Variants in RRAS2 observed in about 807,000 individuals in gnomAD.
RRAS2 encodes the protein RAS related 2.
RRAS2 carries 7 observed loss-of-function variants against 27.6 expected under a neutral mutation model. The ratio of observed to expected loss-of-function variants is 0.25; its 90% CI spans 0.14 to 0.48. The LOEUF is 0.48. RRAS2 is among the 20% of genes least tolerant of loss of function. The pLI is 0.99. For synonymous variants in RRAS2, 86 were observed against 90.9 expected (o/e 0.95, Z 0.31); for missense variants, 178 against 256.2 (o/e 0.69, Z 2.08).
chr11:14,330,653 T>TA (rs71455836), intron 1 of RRAS2, among the ~76,000 whole-genome samples: 44,973 of 151,798 alleles, frequency 0.3, 7,629 homozygotes, highest in South Asian at 0.43. Context: ...TAGTTAACAT[T>TA]AAAAAAAATT....
rs1554955493 is a variant in RRAS2 at position 14,356,807 on chromosome 11, T to G, written c.108+1956A>C. 3 of 431,370 alleles carry G rather than the reference T, an allele frequency of 7.0e-6. No homozygotes were observed. The Admixed American group carries it at 7.8e-5, about 11-fold the overall frequency. The allele number at this position is 431,370 out of a possible 1,614,324, so 26.7% of individuals were successfully genotyped here. ...AGGAAAACGGCAATTAATGCTTTTT[T>G]TTTTTTTTTTTTGAGGCAGAGTCTC... On this transcript the variant is annotated intron_variant, in intron 1 of 5. Coordinates refer to ENST00000256196, the MANE Select transcript of RRAS2 (RefSeq NM_012250.6).
chr11:14,306,333 A>G (rs1402440663), intron 1 of RRAS2, among the ~76,000 whole-genome samples: 1 of 152,026 alleles, frequency 6.6e-6, no homozygotes, highest in Non-Finnish European at 1.5e-5. Flanking sequence ...AATGGTTTTC[A>G]TTCATTCCTT....
In RRAS2 at chr11:14,335,673, T is replaced by C. The variant is rs181467010; in HGVS notation, c.108+23090A>G. 5.5e-4 allele frequency among the ~76,000 whole-genome samples: 83 copies of C among 152,252 alleles called. 1 individual carries two copies. The highest frequency in any genetic ancestry group is 3.1e-3 in the South Asian group (15 of 4,826). On this transcript the variant is annotated intron_variant, in intron 1 of 5. Coordinates refer to ENST00000256196, the MANE Select transcript of RRAS2 (RefSeq NM_012250.6). Reference sequence around the variant, plus strand: ...TCTCCTGCTAAAAACTAAAAATCCTTGACAAACATAAGACTCTGAAAGTTT... The same window carrying C: ...TCTCCTGCTAAAAACTAAAAATCCTCGACAAACATAAGACTCTGAAAGTTT...
intron 1 of RRAS2, among the ~76,000 whole-genome samples, chr11:14,315,420 A>T (rs1554949395): frequency 1.3e-5 from 2 of 152,202 alleles, no homozygotes; most frequent in Non-Finnish European, 2.9e-5. Flanking sequence ...AAAATACTTA[A>T]TGAGTACTCT....
chr11:14,313,533 A>G (rs1364388931), intron 1 of RRAS2, among the ~76,000 whole-genome samples: 1 of 152,188 alleles, frequency 6.6e-6, no homozygotes, highest in African/African-American at 2.4e-5. Flanking sequence ...CCGTATTTGG[A>G]AATAGGGTCT....
At chr11:14,324,080 T>C (rs1354922638) in intron 1 of RRAS2, among the ~76,000 whole-genome samples, 1 of 151,838 alleles carries the variant, frequency 6.6e-6, no homozygotes, top group Non-Finnish European at 1.5e-5. Context: ...TATTCAACAT[T>C]ACATTGGAGG....
At chr11:14,321,270 A>G (rs1016548312) in intron 1 of RRAS2, among the ~76,000 whole-genome samples, 1 of 152,158 alleles carries the variant, frequency 6.6e-6, no homozygotes, top group Non-Finnish European at 1.5e-5. Flanking sequence ...TTCCCCTAAC[A>G]TGACTAGTCA....
At chr11:14,333,533 C>T (rs888419776) in intron 1 of RRAS2, among the ~76,000 whole-genome samples, 1 of 152,014 alleles carries the variant, frequency 6.6e-6, no homozygotes, top group African/African-American at 2.4e-5. Context: ...CTAAGGATGC[C>T]CACTCTTAGC....
At chr11:14,287,871 C>CAAAA (rs34954723) in intron 4 of RRAS2, among the ~76,000 whole-genome samples, 1 of 119,024 alleles carries the variant, frequency 8.4e-6, no homozygotes, top group African/African-American at 3.3e-5. Flanking sequence ...GACTCTGTCT[C>CAAAA]AAAAAAAAAA....
chr11:14,306,752 G>A (rs1444706381), intron 1 of RRAS2, among the ~76,000 whole-genome samples: 1 of 151,992 alleles, frequency 6.6e-6, no homozygotes, highest in Non-Finnish European at 1.5e-5. Flanking sequence ...TCCCTACCCT[G>A]AGCTTTTCCT....
At chr11:14,295,571 C>T (rs1166042479) in intron 2 of RRAS2, among the ~76,000 whole-genome samples, 197 bp downstream of exon 2, 1 of 152,062 alleles carries the variant, frequency 6.6e-6, no homozygotes, top group East Asian at 1.9e-4. Context: ...ATACAAATAT[C>T]GTTTTACTTT....
intron 1 of RRAS2, among the ~76,000 whole-genome samples, chr11:14,299,739 T>C (rs1591453188): frequency 6.6e-6 from 1 of 152,302 alleles, no homozygotes; most frequent in South Asian, 2.1e-4. Context: ...CAGAGTCCAG[T>C]GCCTTTTATA....
At chr11:14,280,550 A>T (rs886357040) in intron 5 of RRAS2, among the ~76,000 whole-genome samples, 1 of 151,698 alleles carries the variant, frequency 6.6e-6, no homozygotes, top group East Asian at 1.9e-4. Flanking sequence ...ATATGGTGAA[A>T]CCCCATCTCT....
chr11:14,290,386 T>C (rs565846919), intron 4 of RRAS2, among the ~76,000 whole-genome samples: 55 of 152,256 alleles, frequency 3.6e-4, no homozygotes, highest in Admixed American at 9.8e-4. Flanking sequence ...GAGGTGGATG[T>C]TGCAGTGAGC....
At chr11:14,357,006 TG>T (rs1849092132) in intron 1 of RRAS2, among the ~76,000 whole-genome samples, 2 of 152,000 alleles carry the variant, frequency 1.3e-5, no homozygotes, top group Non-Finnish European at 2.9e-5. Flanking sequence ...CAGGCTGGTC[TG>T]GAACTCCTGA....
rs782798983 is a variant in RRAS2 at position 14,281,691 on chromosome 11, T to C, written c.438A>G (p.Ala146=). 3 of 1,598,154 alleles carry C rather than the reference T, an allele frequency of 1.9e-6. No individual in the cohort carries two copies. Among genetic ancestry groups the C allele is most frequent in the Non-Finnish European group, 8.5e-7 (1 of 1,175,028 alleles). The change falls in exon 5 of 6, where the codon GCA becomes GCG. Residue 146 remains alanine (A), a synonymous_variant. Transcript: ENST00000256196. ...QVTQEEGQQL[A]RQLKVTYMEA... is the part of the protein sequence containing the mutation. ...CCATGTATGTTACCTTAAGCTGCCG[T>C]GCTAACTGTTGTCCTTCTTCCTGTG...
At chr11:14,336,481 C>T (rs1223586239) in intron 1 of RRAS2, among the ~76,000 whole-genome samples, 12 of 151,648 alleles carry the variant, frequency 7.9e-5, no homozygotes, top group Admixed American at 7.9e-4. Context: ...GTTTCAACAG[C>T]TTGAAACAAA....
intron 1 of RRAS2, chr11:14,337,063 T>A (rs958858502): frequency 1.7e-4 from 26 of 152,336 alleles, no homozygotes; most frequent in African/African-American, 5.8e-4. Context: ...AGTGGCACAG[T>A]ATCTTTCAGG....
intron 1 of RRAS2, among the ~76,000 whole-genome samples, chr11:14,326,479 C>T (rs1383342035): frequency 6.6e-6 from 1 of 152,064 alleles, no homozygotes; most frequent in African/African-American, 2.4e-5. Flanking sequence ...TGCTTTCTAA[C>T]GCTAATGAAG....
Sources: allele counts gnomAD v4.1 joint callset (sites outside exome capture counted in the v4.1 genomes callset), GRCh38; gene constraint gnomAD v4.1.1; transcripts MANE v1.5; gene names NCBI Gene and HGNC (gene_info 2026-07-23, HGNC 2026-07-21).